Variants in STARD13 observed in about 807,000 individuals in gnomAD.
STARD13 encodes the protein StAR related lipid transfer domain containing 13, also known as stAR-related lipid transfer protein 13.
STARD13 carries 62 observed loss-of-function variants against 106.4 expected under a neutral mutation model. The ratio of observed to expected loss-of-function variants is 0.58; its 90% confidence interval spans 0.48 to 0.72. STARD13 has a LOEUF of 0.72. Ranked by LOEUF, STARD13 falls within the 30% of genes least tolerant of loss-of-function variation. The pLI is 0.00. For missense variants in STARD13, 1,387 were observed against 1,424.0 expected (o/e 0.97, Z 0.42); for synonymous variants, 565 against 553.0 (o/e 1.02, Z -0.31).
chr13:33,587,131 A>T, the STARD13 span, among the ~76,000 whole-genome samples: 14 of 151,384 alleles, frequency 9.2e-5, no homozygotes, highest in Middle Eastern at 3.4e-3. Context: ...CAGGAGAATA[A>T]CTTGAACCTG....
At chr13:33,199,516 A>G (rs1274123193) in intron 1 of STARD13, among the ~76,000 whole-genome samples, 1 of 152,258 alleles carries the variant, frequency 6.6e-6, no homozygotes, top group African/African-American at 2.4e-5. Flanking sequence ...AGAAAGCTAT[A>G]GTTTAAGCCA....
chr13:33,120,616 A>G (rs2138114871), intron 7 of STARD13, among the ~76,000 whole-genome samples: 1 of 152,330 alleles, frequency 6.6e-6, no homozygotes, highest in South Asian at 2.1e-4. Context: ...GTACAGCAGG[A>G]AAATTTTCTT....
the STARD13 span, among the ~76,000 whole-genome samples, chr13:33,496,093 CTAAA>C: frequency 1.1e-4 from 15 of 140,066 alleles, no homozygotes; most frequent in South Asian, 6.6e-4. Context: ...ATTATATTAA[CTAAA>C]TAATTATTTA....
At chr13:33,182,475 C>T (rs797212) in intron 1 of STARD13, among the ~76,000 whole-genome samples, 69,796 of 152,004 alleles carry the variant, frequency 0.46, 16,454 homozygotes, top group African/African-American at 0.57. Context: ...CCTCTGTCTC[C>T]TGGACTTGGT....
At chr13:33,239,185 C>A (rs900605573) in intron 1 of STARD13, among the ~76,000 whole-genome samples, 1 of 152,090 alleles carries the variant, frequency 6.6e-6, no homozygotes, top group African/African-American at 2.4e-5. Context: ...GGCTCACACA[C>A]GTTGTAGCAT....
intron 3 of STARD13, among the ~76,000 whole-genome samples, chr13:33,156,776 T>G (rs1342737664): frequency 6.6e-6 from 1 of 152,200 alleles, no homozygotes; most frequent in Non-Finnish European, 1.5e-5. Context: ...TATACTTAAA[T>G]GCAGTGCCTG....
the STARD13 span, among the ~76,000 whole-genome samples, chr13:33,441,494 C>A: frequency 4.6e-5 from 7 of 152,152 alleles, no homozygotes; most frequent in Admixed American, 2.0e-4. Flanking sequence ...TTTCTCTAAG[C>A]CTCATTTCCT....
intron 1 of STARD13, among the ~76,000 whole-genome samples, chr13:33,342,128 T>C (rs1301860871): frequency 2.0e-4 from 30 of 152,178 alleles, no homozygotes; most frequent in Non-Finnish European, 1.2e-4. Context: ...TGGTTATCTA[T>C]TTATATGCTC....
At chr13:33,465,429 T>TCTGAC in the STARD13 span, among the ~76,000 whole-genome samples, 1 of 152,190 alleles carries the variant, frequency 6.6e-6, no homozygotes, top group South Asian at 2.1e-4. Flanking sequence ...ATGGTCTTGA[T>TCTGAC]CTGACCTCGT....
At chr13:33,325,167 A>G (rs2077759415) in intron 1 of STARD13, among the ~76,000 whole-genome samples, 2 of 152,128 alleles carry the variant, frequency 1.3e-5, no homozygotes, top group Admixed American at 1.3e-4. Context: ...TTTCCCCCCA[A>G]ATCCTCACTG....
intron 1 of STARD13, among the ~76,000 whole-genome samples, chr13:33,202,310 C>G (rs909912414): frequency 2.0e-5 from 3 of 152,206 alleles, no homozygotes; most frequent in African/African-American, 7.2e-5. Flanking sequence ...AGGTTCCCAG[C>G]TGACAACAGT....
chr13:33,424,721 T>C, the STARD13 span, among the ~76,000 whole-genome samples: 2 of 152,098 alleles, frequency 1.3e-5, no homozygotes, highest in African/African-American at 4.8e-5. Flanking sequence ...ATCCTGTGGG[T>C]AATGAGGAGC....
intron 1 of STARD13, among the ~76,000 whole-genome samples, chr13:33,210,061 C>G (rs540919764): frequency 6.6e-6 from 1 of 152,100 alleles, no homozygotes; most frequent in Non-Finnish European, 1.5e-5. Context: ...ACGCTGGGGT[C>G]GACAACAGCC....
the STARD13 span, among the ~76,000 whole-genome samples, chr13:33,373,096 C>G: frequency 2.0e-5 from 3 of 152,150 alleles, no homozygotes; most frequent in African/African-American, 7.2e-5. Context: ...GTTCCTCCAA[C>G]TGTACTACAA....
the STARD13 span, among the ~76,000 whole-genome samples, chr13:33,388,886 C>T: frequency 8.6e-5 from 13 of 151,978 alleles, no homozygotes; most frequent in East Asian, 1.2e-3. Context: ...TCCTGAGCTC[C>T]TAGTACCTCG....
At chr13:33,252,579 G>T (rs1280458506) in intron 1 of STARD13, among the ~76,000 whole-genome samples, 1 of 152,204 alleles carries the variant, frequency 6.6e-6, no homozygotes, top group Admixed American at 6.5e-5. Context: ...CCAACATAAT[G>T]TTGAAGCCGT....
At chr13:33,595,207 T>C in the STARD13 span, among the ~76,000 whole-genome samples, 1 of 152,180 alleles carries the variant, frequency 6.6e-6, no homozygotes, top group South Asian at 2.1e-4. Flanking sequence ...CTTATTGGGG[T>C]TAAGAGAGAA....
chr13:33,229,252 G>A (rs1442458678), intron 1 of STARD13, among the ~76,000 whole-genome samples: 1 of 152,162 alleles, frequency 6.6e-6, no homozygotes, highest in Non-Finnish European at 1.5e-5. Flanking sequence ...CCTAAATAGC[G>A]ACTCCATGGA....
intron 1 of STARD13, among the ~76,000 whole-genome samples, chr13:33,179,813 A>G (rs1270148003): frequency 1.3e-5 from 2 of 152,222 alleles, no homozygotes. Context: ...TGACCAGGAA[A>G]AGCCTTGCAG....
Sources: gnomAD v4.1 joint callset for allele counts (sites outside exome capture counted in the v4.1 genomes callset) on GRCh38, gnomAD v4.1.1 for gene constraint, MANE v1.5 for transcripts, NCBI Gene and HGNC (gene_info 2026-07-23, HGNC 2026-07-21) for gene names.